Variants in SYNPO observed in about 807,000 individuals in gnomAD.
The protein encoded by SYNPO is synaptopodin.
SYNPO carries 19 observed loss-of-function variants against 49.5 expected under a neutral mutation model. That is an observed-to-expected ratio of 0.38 (90% CI 0.27 to 0.56). The LOEUF (loss-of-function observed/expected upper bound fraction) is 0.56. SYNPO is among the 20% of genes least tolerant of loss of function. SYNPO has a pLI of 0.68. For missense variants in SYNPO, 1,131 were observed against 1,248.3 expected, an observed-to-expected ratio of 0.91 and a Z score of 1.42; for synonymous variants, 536 against 548.0, an observed-to-expected ratio of 0.98 and a Z score of 0.31.
rs753546258 is a variant in SYNPO at position 150,648,895 on chromosome 5, A to C, written c.620A>C (p.Gln207Pro). The change falls in exon 2 of 3, where the codon CAA becomes CCA. Residue 207 changes from glutamine to proline, a missense_variant. Gln to Pro is a moderately conservative substitution (Grantham distance 76). Coordinates refer to ENST00000307662, the MANE Select transcript of SYNPO (RefSeq NM_007286.6). The surrounding 1 kb of genome is among the most constrained non-coding windows in gnomAD (Gnocchi z 5.0). ...QPNTLVVSAD[Q>P]EMSGRAAATT... Reference sequence around the variant, plus strand: ...AACACCCTAGTGGTGTCAGCAGATCAAGAGATGTCTGGGCGAGCAGCTGCC... The same window carrying C: ...AACACCCTAGTGGTGTCAGCAGATCCAGAGATGTCTGGGCGAGCAGCTGCC... 1 of 1,614,188 alleles carries C rather than the reference A, an allele frequency of 6.2e-7. No individual in the cohort carries two copies. The highest frequency in any genetic ancestry group is 2.2e-5 in the East Asian group (1 of 44,882).
upstream of SYNPO, chr5:150,640,274 T>C: frequency 1.5e-6 from 1 of 652,410 alleles, no homozygotes; most frequent in Non-Finnish European, 1.9e-6. Flanking sequence ...ATCTGAAGGA[T>C]TAGGGCATGT....
chr5:150,657,058 C>T lies in SYNPO; in HGVS notation c.2683C>T (p.Leu895Phe), dbSNP rs1284433068. 6.3e-7 allele frequency: 1 copy of T among 1,595,964 alleles called. No homozygotes were observed. Among genetic ancestry groups the T allele is most frequent in the Non-Finnish European group, 8.5e-7 (1 of 1,172,248 alleles). ...CAGCCTTCGGCTCAAGCGTGGCAGC[C>T]TCCCCGCCGAGGCCTCCTGCACCAC... The part of the protein sequence containing the change: ...NGSLRLKRGS[L>F]PAEASCTT Residue 895 changes from leucine to phenylalanine, a missense_variant, in exon 3 of 3, where the codon CTC (leucine) becomes TTC (phenylalanine). Coordinates refer to ENST00000307662, the MANE Select transcript of SYNPO (RefSeq NM_007286.6).
the SYNPO span, among the ~76,000 whole-genome samples, chr5:150,590,319 G>A: frequency 6.6e-6 from 1 of 152,214 alleles, no homozygotes; most frequent in Non-Finnish European, 1.5e-5. Context: ...CCCTGGAGGG[G>A]GAGAGAGGGA....
At position 150,658,930 on chromosome 5, in the gene SYNPO, A is replaced by C. The variant is rs958684454; in HGVS notation, c.*1843A>C. The C allele has an allele frequency of 6.6e-6, 1 of 152,372 alleles. No individual in the cohort carries two copies. Among genetic ancestry groups the C allele is most frequent in the Non-Finnish European group, 1.5e-5 (1 of 68,070 alleles). 9.4% of individuals were successfully genotyped at this position (152,372 alleles called of 1,614,324 possible). A position where few individuals can be genotyped will look rare whatever the true frequency, so the allele number is the denominator to read the frequency against. On this transcript the variant is annotated 3_prime_UTR_variant, in exon 3 of 3. Coordinates refer to ENST00000307662, the MANE Select transcript of SYNPO (RefSeq NM_007286.6). ...TACCTGCTGCTGGGTCCCTTGTAGC[A>C]CAGGAGACTGGGGCTAAGGGCCCCT...
Position 150,657,079 on chromosome 5 carries a change from A to G in SYNPO, c.2704A>G (p.Thr902Ala). The G allele has an allele frequency of 6.3e-7, 1 of 1,586,826 alleles. No individual in the cohort carries two copies. Among genetic ancestry groups the G allele is most frequent in the Non-Finnish European group, 8.6e-7 (1 of 1,167,040 alleles). ...RGSLPAEASC[T>A]T The stretch of plus-strand genomic sequence containing the variant: ...CAGCCTCCCCGCCGAGGCCTCCTGC[A>G]CCACCTAGAGCCCCACCCCCGACCC... The change falls in exon 3 of 3, where the codon ACC (threonine) becomes GCC (alanine). Residue 902 changes from threonine (T) to alanine (A), a missense_variant. By Grantham distance (58) the Thr-to-Ala change is moderately conservative. This residue lies in a region of SYNPO where 509 missense variants were observed against 484.5 expected (regional missense o/e 1.05). Transcript: ENST00000307662.
At chr5:150,609,454 C>G (rs1310702753) in intron 1 of SYNPO, among the ~76,000 whole-genome samples, 1 of 152,124 alleles carries the variant, frequency 6.6e-6, no homozygotes, top group Non-Finnish European at 1.5e-5. Flanking sequence ...ACCACCACGC[C>G]CAGCTAATTT....
chr5:150,635,077 G>A (rs568953463), intron 2 of SYNPO, among the ~76,000 whole-genome samples: 1 of 152,346 alleles, frequency 6.6e-6, no homozygotes, highest in South Asian at 2.1e-4. Flanking sequence ...CTGCTAACCC[G>A]GTTACCTGAA....
the SYNPO span, among the ~76,000 whole-genome samples, chr5:150,587,500 C>T: frequency 6.7e-6 from 1 of 148,552 alleles, no homozygotes; most frequent in Non-Finnish European, 1.5e-5. Flanking sequence ...CGGATGGATA[C>T]ATGGAGGGGT....
At chr5:150,617,376 A>G (rs1581462851) in intron 1 of SYNPO, among the ~76,000 whole-genome samples, 1 of 151,816 alleles carries the variant, frequency 6.6e-6, no homozygotes, top group Middle Eastern at 3.2e-3. Context: ...GTTCACTGCA[A>G]CCTCCACCTC....
chr5:150,603,491 G>A (rs1348590560), intron 1 of SYNPO, among the ~76,000 whole-genome samples: 2 of 152,256 alleles, frequency 1.3e-5, no homozygotes, highest in Non-Finnish European at 2.9e-5. Context: ...GTTGCCGTTA[G>A]TGTTACTTGT....
chr5:150,593,086 C>A, the SYNPO span, among the ~76,000 whole-genome samples: 3 of 152,248 alleles, frequency 2.0e-5, no homozygotes, highest in African/African-American at 7.2e-5. Flanking sequence ...ATTGGTAGCC[C>A]ACTGGAGTCT....
intron 2 of SYNPO, among the ~76,000 whole-genome samples, chr5:150,629,114 G>C (rs547312190): frequency 6.6e-6 from 1 of 152,116 alleles, no homozygotes; most frequent in Non-Finnish European, 1.5e-5. Context: ...GACCTCCTGG[G>C]CTCAAGTGAT....
rs779855045 is a variant in SYNPO at position 150,656,528 on chromosome 5, G to A, written c.2153G>A (p.Ser718Asn). The A allele has an allele frequency of 2.0e-6, 3 of 1,528,120 alleles. No individual in the cohort carries two copies. Among genetic ancestry groups the A allele is most frequent in the South Asian group, 2.4e-5 (2 of 83,496 alleles). 94.7% of individuals were successfully genotyped at this position (1,528,120 alleles called of 1,614,324 possible). A position where few individuals can be genotyped will look rare whatever the true frequency, so the allele number is the denominator to read the frequency against. Residue 718 changes from serine to asparagine, a missense_variant, in exon 3 of 3, where the codon AGC becomes AAC. Physicochemically the swap from Ser to Asn is conservative, Grantham distance 46. Transcript: ENST00000307662. Reference sequence around the variant, plus strand: ...CCAGGTCGCGGGAGCAGCATGAGCAGCCCCCCGCCGCTGCCGCCGCCACCG... The same window carrying A: ...CCAGGTCGCGGGAGCAGCATGAGCAACCCCCCGCCGCTGCCGCCGCCACCG... Reference protein sequence around the residue: ...WEPGRGSSMSSPPPLPPPPPM... With the variant: ...WEPGRGSSMSNPPPLPPPPPM...
chr5:150,621,157 T>G (rs946986305), intron 2 of SYNPO, among the ~76,000 whole-genome samples: 1 of 152,088 alleles, frequency 6.6e-6, no homozygotes, highest in Admixed American at 6.5e-5. Context: ...TTCACCATGT[T>G]GGCCAGGCTG....
intron 2 of SYNPO, among the ~76,000 whole-genome samples, chr5:150,655,940 C>T (rs764635568): frequency 1.3e-5 from 2 of 152,262 alleles, no homozygotes; most frequent in African/African-American, 4.8e-5. Flanking sequence ...CGCGGGCCAC[C>T]GCGCCAAGCC....
At chr5:150,650,450 C>G in intron 2 of SYNPO, 147 bp downstream of exon 2, 2 of 1,535,618 alleles carry the variant, frequency 1.3e-6, no homozygotes, top group Non-Finnish European at 1.8e-6. Flanking sequence ...GTCCATGGTT[C>G]AAGGTCAGAT....
chr5:150,636,526 T>A (rs936834233), upstream of SYNPO, among the ~76,000 whole-genome samples: 2 of 152,342 alleles, frequency 1.3e-5, no homozygotes. Context: ...CCAAATCTCC[T>A]GACTTCTAGT....
At chr5:150,627,759 G>C (rs1325730342) in intron 2 of SYNPO, among the ~76,000 whole-genome samples, 1 of 152,114 alleles carries the variant, frequency 6.6e-6, no homozygotes, top group Non-Finnish European at 1.5e-5. Flanking sequence ...AGGTGTATCT[G>C]CAACTGGAGT....
chr5:150,646,083 A>G (rs1581505304), intron 1 of SYNPO, among the ~76,000 whole-genome samples: 1 of 152,048 alleles, frequency 6.6e-6, no homozygotes, highest in South Asian at 2.1e-4. Context: ...TAATCTCAGC[A>G]TTTTAGGAAG....
Sources: allele counts gnomAD v4.1 joint callset (sites outside exome capture counted in the v4.1 genomes callset), GRCh38; gene constraint gnomAD v4.1.1; regional missense constraint gnomAD v4.1.1; non-coding constraint Gnocchi (gnomAD v3.1); transcripts MANE v1.5; gene names NCBI Gene and HGNC (gene_info 2026-07-23, HGNC 2026-07-21).